Variants in LARGE1 observed in about 807,000 individuals in gnomAD.
The protein encoded by LARGE1 is LARGE xylosyl- and glucuronyltransferase 1, also known as xylosyl- and glucuronyltransferase LARGE1.
Under a neutral mutation model 87.6 loss-of-function variants are expected in LARGE1, and 43 were observed. The observed-to-expected ratio is 0.49, with a 90% CI of 0.38 to 0.63. The LOEUF is 0.63. Ranked by LOEUF, LARGE1 falls within the 30% of genes least tolerant of loss-of-function variation. The pLI is 0.00. For missense variants in LARGE1, 802 were observed against 1,000.2 expected, an observed-to-expected ratio of 0.80 and a Z score of 2.67; for synonymous variants, 434 against 394.6, an observed-to-expected ratio of 1.10 and a Z score of -1.18.
chr22:33,120,106 T>TA, the LARGE1 span, among the ~76,000 whole-genome samples: 3 of 151,948 alleles, frequency 2.0e-5, no homozygotes, highest in East Asian at 1.9e-4. Flanking sequence ...ACTCTTGCAG[T>TA]AAAAAAAAGT....
At chr22:33,387,268 T>C (rs145891453) in intron 7 of LARGE1, among the ~76,000 whole-genome samples, 13,914 of 127,558 alleles carry the variant, frequency 0.11, 1,623 homozygotes, top group Admixed American at 0.22. Context: ...CTACTAAAAA[T>C]ACAAAAAAAC....
intron 2 of LARGE1, among the ~76,000 whole-genome samples, chr22:33,718,200 C>G (rs2082969167): frequency 6.6e-6 from 1 of 152,168 alleles, no homozygotes; most frequent in South Asian, 2.1e-4. Context: ...AGAACAAACA[C>G]CTGGGGATCA....
the LARGE1 span, among the ~76,000 whole-genome samples, chr22:33,129,845 C>G: frequency 1.3e-5 from 2 of 152,262 alleles, no homozygotes; most frequent in South Asian, 2.1e-4. Flanking sequence ...AAACGGCCCC[C>G]GTGATCCAAT....
At chr22:33,207,466 TG>T (rs1924741904) in intron 11 of LARGE1, among the ~76,000 whole-genome samples, 1 of 152,110 alleles carries the variant, frequency 6.6e-6, no homozygotes, top group African/African-American at 2.4e-5. Flanking sequence ...ATTCCCCTTC[TG>T]CCCCCAGGTA....
At chr22:33,504,123 T>C (rs532376264) in intron 6 of LARGE1, among the ~76,000 whole-genome samples, 3 of 152,296 alleles carry the variant, frequency 2.0e-5, no homozygotes, top group Admixed American at 2.0e-4. Flanking sequence ...GCAGCGGTAA[T>C]GGGAAAATGA....
intron 14 of LARGE1, 126 bp from the exon 15 acceptor site, chr22:33,274,750 C>T: frequency 1.2e-6 from 1 of 819,962 alleles, no homozygotes; most frequent in Non-Finnish European, 2.1e-6. Context: ...AAGCAGATGG[C>T]AAAGGACAGC....
At chr22:33,681,812 G>A (rs2081781810) in intron 2 of LARGE1, among the ~76,000 whole-genome samples, 1 of 152,160 alleles carries the variant, frequency 6.6e-6, no homozygotes, top group Non-Finnish European at 1.5e-5. Flanking sequence ...AATGTACAGA[G>A]GCACATTCAG....
chr22:33,425,441 A>G lies in LARGE1; in HGVS notation c.892+6720T>C, dbSNP rs140092393. Among the ~76,000 whole-genome samples, 5 of 152,286 alleles carry G rather than the reference A, an allele frequency of 3.3e-5. No individual in the cohort carries two copies. The East Asian group carries it at 9.7e-4, about 29-fold the overall frequency. ...TTCCCAGGCTCCAGAACTGTGAGAA[A>G]TGTTTGTAGTTAAGCCACCCAGTCT... On this transcript the variant is annotated intron_variant, in intron 7 of 14. Coordinates refer to ENST00000397394, the MANE Select transcript of LARGE1 (RefSeq NM_133642.5).
Position 33,233,310 on chromosome 22 carries a change from A to G in LARGE1, c.1731-66478T>C, listed in dbSNP as rs529742104. Among the ~76,000 whole-genome samples, 9 of 152,138 alleles carry G rather than the reference A, an allele frequency of 5.9e-5. No individual in the cohort carries two copies. The East Asian group carries it at 1.5e-3, about 26-fold the overall frequency. ...GATGATGATGATGATGATAATGATG[A>G]TGACAATGATGATGATACAATAATA... On this transcript the variant is annotated intron_variant, in intron 11 of 11. Coordinates refer to the LARGE1 transcript ENST00000608642.
At chr22:33,098,402 G>T in the LARGE1 span, among the ~76,000 whole-genome samples, 1 of 152,142 alleles carries the variant, frequency 6.6e-6, no homozygotes, top group Non-Finnish European at 1.5e-5. Flanking sequence ...GGCAGATCAC[G>T]AGGTCAGGAG....
chr22:33,543,206 A>AG (rs745503516), intron 6 of LARGE1, among the ~76,000 whole-genome samples: 7 of 116,024 alleles, frequency 6.0e-5, no homozygotes, highest in Non-Finnish European at 1.5e-4. Flanking sequence ...AGGCCAAAAA[A>AG]GAAAAAAAGA....
At chr22:33,738,641 C>T (rs934816782) in intron 2 of LARGE1, among the ~76,000 whole-genome samples, 2 of 152,022 alleles carry the variant, frequency 1.3e-5, no homozygotes, top group Admixed American at 6.6e-5. Context: ...AGGTGGATCA[C>T]GAGGTCAGGA....
At chr22:33,332,690 C>G (rs984268700) in intron 10 of LARGE1, among the ~76,000 whole-genome samples, 4 of 152,148 alleles carry the variant, frequency 2.6e-5, no homozygotes, top group Non-Finnish European at 5.9e-5. Context: ...CCCTTTCCCT[C>G]TGGTTGTGTC....
At chr22:33,220,040 C>T (rs1010036638) in intron 11 of LARGE1, among the ~76,000 whole-genome samples, 16 of 152,222 alleles carry the variant, frequency 1.1e-4, no homozygotes, top group African/African-American at 3.9e-4. Flanking sequence ...TAGCATTCTA[C>T]AAGGGCTGAT....
At chr22:33,359,081 C>T (rs1364443340) in intron 9 of LARGE1, among the ~76,000 whole-genome samples, 1 of 151,970 alleles carries the variant, frequency 6.6e-6, no homozygotes, top group East Asian at 1.9e-4. Context: ...CCTCTAAAAC[C>T]CACTTAATCC....
rs147690554 is a variant in LARGE1 at position 33,753,439 on chromosome 22, G to A, written c.106+7932C>T. Among the ~76,000 whole-genome samples, 250 of 152,232 alleles carry A rather than the reference G, an allele frequency of 1.6e-3. 1 individual carries two copies. Among genetic ancestry groups the A allele is most frequent in the African/African-American group, 5.8e-3 (242 of 41,540 alleles). On this transcript the variant is annotated intron_variant, in intron 2 of 14. Transcript: ENST00000397394. The stretch of plus-strand genomic sequence containing the variant: ...AGACCAGGAGATGGATTCTTTACTG[G>A]AGCCTACAGAAGGAACCAGCCTTGC...
intron 2 of LARGE1, among the ~76,000 whole-genome samples, chr22:33,710,020 G>T (rs734063): frequency 6.8e-6 from 1 of 147,684 alleles, no homozygotes; most frequent in East Asian, 2.0e-4. Context: ...CATCATCACC[G>T]TATAATTCCA....
chr22:33,201,691 A>G (rs1924402526), intron 11 of LARGE1, among the ~76,000 whole-genome samples: 1 of 152,026 alleles, frequency 6.6e-6, no homozygotes, highest in South Asian at 2.1e-4. Context: ...AAAGAAAGAG[A>G]GTGGAGGGGG....
At chr22:33,737,332 G>C (rs1369096012) in intron 2 of LARGE1, among the ~76,000 whole-genome samples, 1 of 152,090 alleles carries the variant, frequency 6.6e-6, no homozygotes, top group Non-Finnish European at 1.5e-5. Context: ...TTGGCTTTGG[G>C]GATGCAAAAT....
Sources: gnomAD v4.1 joint callset for allele counts (sites outside exome capture counted in the v4.1 genomes callset) on GRCh38, gnomAD v4.1.1 for gene constraint, MANE v1.5 for transcripts, NCBI Gene and HGNC (gene_info 2026-07-23, HGNC 2026-07-21) for gene names.